The following TCERG1 variants were observed in gnomAD, a reference collection of about 807,000 sequenced individuals.
TCERG1 encodes TATA box binding protein (TBP)-associated factor, RNA polymerase II, S, 150kD.
Under a neutral mutation model 144.7 loss-of-function variants are expected in TCERG1, and 37 were observed. The ratio of observed to expected loss-of-function variants is 0.26; its 90% CI spans 0.20 to 0.34. The LOEUF is 0.34. TCERG1 is among the 10% of genes least tolerant of loss of function. The pLI is 1.00. For synonymous variants in TCERG1, 492 were observed against 458.2 expected (o/e 1.07, Z -0.94); for missense variants, 1,027 against 1,380.7 (o/e 0.74, Z 4.06).
At chr5:146,469,453 A>T in intron 6 of TCERG1, 91 bp from the exon 7 acceptor site, 1 of 1,070,536 alleles carries the variant, frequency 9.3e-7, no homozygotes, top group Non-Finnish European at 1.3e-6. Flanking sequence ...ATTTATTAAT[A>T]TTTAATAGAA....
chr5:146,490,149 G>A (rs2150682880), intron 15 of TCERG1, among the ~76,000 whole-genome samples: 1 of 152,260 alleles, frequency 6.6e-6, no homozygotes, highest in South Asian at 2.1e-4. Context: ...TTTCTGCAAT[G>A]CTATACTTAG....
chr5:146,510,754 A>G lies in TCERG1; in HGVS notation c.*112A>G. ...CCTATTGCGAAACCATCTGACAAAC[A>G]GAAGGAGAAGCATTTGTGAACAGTT... On this transcript the variant is annotated 3_prime_UTR_variant, in exon 23 of 23. Transcript: ENST00000679501. 4.1e-6 allele frequency: 4 copies of G among 975,730 alleles called. No homozygotes were observed. Among genetic ancestry groups the G allele is most frequent in the Non-Finnish European group, 5.8e-6 (4 of 684,456 alleles). The allele number at this position is 975,730 out of a possible 1,614,324, so 60.4% of individuals were successfully genotyped here.
In TCERG1 at chr5:146,447,396, C is replaced by A. The variant is rs1344807515; in HGVS notation, c.47C>A (p.Pro16Gln). 3 of 1,611,714 alleles carry A rather than the reference C, an allele frequency of 1.9e-6. No individual in the cohort carries two copies. The highest frequency in any genetic ancestry group is 1.7e-4 in the Middle Eastern group (1 of 6,048). ...GGGGGCGAGAGTGAACGATTCAACCCGGGGGAGCTCAGGTAAGGAACGCTG... is the reference window on the plus strand; with the variant it reads ...GGGGGCGAGAGTGAACGATTCAACCAGGGGGAGCTCAGGTAAGGAACGCTG... ...GDGGESERFN[P>Q]GELRMAQQQA... The change falls in exon 1 of 23, where the codon CCG becomes CAG. Residue 16 changes from proline to glutamine, a missense_variant. Physicochemically the swap from Pro to Gln is moderately conservative, Grantham distance 76 (BLOSUM62 -1). This residue lies in a region of TCERG1 where 175 missense variants were observed against 197.0 expected (regional missense o/e 0.89). Coordinates refer to ENST00000679501, the MANE Select transcript of TCERG1 (RefSeq NM_001382548.1).
In TCERG1 at chr5:146,483,542, G is replaced by A. The variant is rs752605285; in HGVS notation, c.2076G>A (p.Val692=). The A allele has an allele frequency of 1.2e-6, 2 of 1,611,278 alleles. No individual in the cohort carries two copies. Among genetic ancestry groups the A allele is most frequent in the Non-Finnish European group, 1.7e-6 (2 of 1,178,676 alleles). ...QFKDMLLERG[V]SAFSTWEKEL... ...GGCAATACGTTTTTATTTTAAAGGTGTCTGCTTTTTCAACGTGGGAGAAGG... is the reference window on the plus strand; with the variant it reads ...GGCAATACGTTTTTATTTTAAAGGTATCTGCTTTTTCAACGTGGGAGAAGG... Residue 692 remains valine (V), a splice_region_variant and synonymous_variant, in exon 15 of 23, where the codon GTG becomes GTA. Transcript: ENST00000679501.
At chr5:146,460,605 A>G (rs895501970) in intron 4 of TCERG1, among the ~76,000 whole-genome samples, 7 of 152,136 alleles carry the variant, frequency 4.6e-5, no homozygotes, top group Non-Finnish European at 1.0e-4. Context: ...AGAAATACGT[A>G]TAAGAGAGAA....
chr5:146,469,520 A>G (rs1416601472), intron 6 of TCERG1, 24 bp from the exon 7 acceptor site: 1 of 1,557,434 alleles, frequency 6.4e-7, no homozygotes, highest in Non-Finnish European at 8.7e-7. Flanking sequence ...ACTTGGATCT[A>G]ATTTTTTATT....
At chr5:146,498,815 T>G (rs1767169261) in intron 17 of TCERG1, 129 bp downstream of exon 17, 1 of 957,244 alleles carries the variant, frequency 1.0e-6, no homozygotes, top group Admixed American at 4.0e-5. Context: ...TTCTTTTAAG[T>G]TAACTTTTAT....
chr5:146,492,860 T>C, intron 15 of TCERG1, 60 bp from the exon 16 acceptor site: 1 of 1,168,908 alleles, frequency 8.6e-7, no homozygotes, highest in East Asian at 2.4e-5. Context: ...TCCAATAATT[T>C]GGTAGTTAAA....
At chr5:146,451,619 C>T (rs1055333533) in intron 1 of TCERG1, among the ~76,000 whole-genome samples, 15 of 151,024 alleles carry the variant, frequency 9.9e-5, no homozygotes, top group East Asian at 5.9e-4. Context: ...CACCGGGGGG[C>T]GTCCGGCCCA....
chr5:146,465,805 G>A (rs987083047), intron 5 of TCERG1, among the ~76,000 whole-genome samples: 2 of 152,128 alleles, frequency 1.3e-5, no homozygotes, highest in Admixed American at 1.3e-4. Context: ...GCCGAGGTGG[G>A]TGGATCAGCT....
chr5:146,479,666 C>A (rs1765165864), intron 10 of TCERG1, among the ~76,000 whole-genome samples, 189 bp from the exon 11 acceptor site: 1 of 151,786 alleles, frequency 6.6e-6, no homozygotes, highest in South Asian at 2.1e-4. Context: ...AGAAACATTT[C>A]AAAATGAATT....
In TCERG1 at chr5:146,469,566, T is replaced by G; in HGVS notation, c.1221T>G (p.Pro407=). ...TAGGTGTATTGCCAGGAATGGCCCC[T>G]CCTATCGTACCCATGATACATCCCC... ...TKTGVLPGMA[P]PIVPMIHPQV... Residue 407 remains proline (P), a synonymous_variant, in exon 7 of 23, where the codon CCT becomes CCG. Transcript: ENST00000679501. 6.2e-7 allele frequency: 1 copy of G among 1,607,496 alleles called. No individual in the cohort carries two copies. The highest frequency in any genetic ancestry group is 8.5e-7 in the Non-Finnish European group (1 of 1,177,506).
chr5:146,485,626 T>C (rs1474116758), intron 15 of TCERG1, among the ~76,000 whole-genome samples: 3 of 152,224 alleles, frequency 2.0e-5, no homozygotes, highest in Non-Finnish European at 4.4e-5. Flanking sequence ...AAAATATTAT[T>C]CTAGTGTTCT....
At chr5:146,465,685 G>T (rs1004195894) in intron 5 of TCERG1, among the ~76,000 whole-genome samples, 1 of 152,142 alleles carries the variant, frequency 6.6e-6, no homozygotes, top group Non-Finnish European at 1.5e-5. Flanking sequence ...AGTTGGAAGA[G>T]AACTTGAATT....
At chr5:146,504,189 C>T (rs1767734711) in intron 19 of TCERG1, 183 bp downstream of exon 19, 1 of 497,684 alleles carries the variant, frequency 2.0e-6, no homozygotes, top group African/African-American at 2.0e-5. Context: ...CCAAGTTATT[C>T]AACAAATTCA....
Position 146,493,421 on chromosome 5 carries a change from T to G in TCERG1, c.2282+383T>G, listed in dbSNP as rs536657027. Among the ~76,000 whole-genome samples, 226 of 152,162 alleles carry G rather than the reference T, an allele frequency of 1.5e-3. 2 individuals carry two copies. The highest frequency in any genetic ancestry group is 5.2e-3 in the African/African-American group (218 of 41,556). ...CTTCAATTTCAAAATTTTCTAAGTG[T>G]CTAGTTAATGGTCATGTCTGACATT... On this transcript the variant is annotated intron_variant, in intron 16 of 22. Transcript: ENST00000679501.
intron 3 of TCERG1, 48 bp from the exon 4 acceptor site, chr5:146,458,836 A>C: frequency 6.4e-7 from 1 of 1,551,402 alleles, no homozygotes; most frequent in Non-Finnish European, 8.7e-7. Flanking sequence ...TGTTTTTAAT[A>C]ATAACTGACA....
At chr5:146,482,052 A>C (rs1181302573) in intron 13 of TCERG1, 1 of 152,202 alleles carries the variant, frequency 6.6e-6, no homozygotes, top group Non-Finnish European at 1.5e-5. Context: ...TTACATATTC[A>C]CTTGGCCAAG....
At chr5:146,479,051 A>G (rs756193278) in intron 10 of TCERG1, among the ~76,000 whole-genome samples, 3 of 152,170 alleles carry the variant, frequency 2.0e-5, no homozygotes, top group Non-Finnish European at 2.9e-5. Context: ...CAAAATCTCA[A>G]TCTTTTGAAT....
Sources: allele counts gnomAD v4.1 joint callset (sites outside exome capture counted in the v4.1 genomes callset), GRCh38; gene constraint gnomAD v4.1.1; regional missense constraint gnomAD v4.1.1; transcripts MANE v1.5; gene names NCBI Gene and HGNC (gene_info 2026-07-23, HGNC 2026-07-21).